The following NAV1 variants were observed in gnomAD, a reference collection of about 807,000 sequenced individuals.
The protein encoded by NAV1 is neuron navigator 1, also known as pore membrane and/or filament interacting like protein 3.
NAV1 carries 18 observed loss-of-function variants against 175.2 expected under a neutral mutation model. The ratio of observed to expected loss-of-function variants is 0.10; its 90% CI spans 0.07 to 0.15. The LOEUF is 0.15. Ranked by LOEUF, NAV1 falls within the 10% of genes least tolerant of loss-of-function variation. The pLI, the probability that NAV1 is intolerant of heterozygous loss-of-function variation, is 1.00. For missense variants in NAV1, 1,731 were observed against 2,436.6 expected, an observed-to-expected ratio of 0.71 and a Z score of 6.10; for synonymous variants, 897 against 978.7, an observed-to-expected ratio of 0.92 and a Z score of 1.56.
chr1:201,628,572 GCCCAGC>G (rs1172102760), intron 1 of NAV1, among the ~76,000 whole-genome samples: 1 of 152,100 alleles, frequency 6.6e-6, no homozygotes, highest in Admixed American at 6.5e-5. Flanking sequence ...GGGTTCCATG[GCCCAGC>G]CCTTCAATTT....
intron 2 of NAV1, among the ~76,000 whole-genome samples, chr1:201,634,803 G>A (rs1668569558): frequency 6.6e-6 from 1 of 152,142 alleles, no homozygotes; most frequent in Non-Finnish European, 1.5e-5. Flanking sequence ...CTTGGACTCA[G>A]GCCCTCCCAC....
intron 3 of NAV1, among the ~76,000 whole-genome samples, chr1:201,721,050 G>A (rs939916273): frequency 6.6e-6 from 1 of 152,106 alleles, no homozygotes; most frequent in African/African-American, 2.4e-5. Flanking sequence ...TGGACAGGAT[G>A]TGTGTTCCCG....
intron 5 of NAV1, 141 bp downstream of exon 9, chr1:201,781,450 C>A: frequency 1.2e-6 from 1 of 833,684 alleles, no homozygotes; most frequent in Non-Finnish European, 1.8e-6. Context: ...GGTCTAAGGA[C>A]AGTCCCGTGA....
At chr1:201,667,911 T>G (rs1224360271) in intron 1 of NAV1, among the ~76,000 whole-genome samples, 1 of 152,040 alleles carries the variant, frequency 6.6e-6, no homozygotes, top group Non-Finnish European at 1.5e-5. Context: ...CAGACCTTGA[T>G]GTTCCAGGGT....
At chr1:201,731,671 T>C (rs189220064) in intron 3 of NAV1, among the ~76,000 whole-genome samples, 1 of 152,280 alleles carries the variant, frequency 6.6e-6, no homozygotes, top group Non-Finnish European at 1.5e-5. Flanking sequence ...TTCCTCTACT[T>C]TGAAGTCTGG....
At chr1:201,655,020 A>G (rs1278810951) in intron 1 of NAV1, among the ~76,000 whole-genome samples, 3 of 152,132 alleles carry the variant, frequency 2.0e-5, no homozygotes, top group African/African-American at 7.2e-5. Context: ...TCAGACACCT[A>G]TCTATGCTCC....
At chr1:201,794,015 GC>G (rs1174501960) in intron 14 of NAV1, 140 bp downstream of exon 18, 4 of 741,062 alleles carry the variant, frequency 5.4e-6, no homozygotes, top group African/African-American at 1.7e-5. Flanking sequence ...TTCTCAATCT[GC>G]CCCCCAATAC....
Position 201,690,732 on chromosome 1 carries a change from T to C in NAV1, c.758-22085T>C, listed in dbSNP as rs993975688. Among the ~76,000 whole-genome samples, 4 of 149,006 alleles carry C rather than the reference T, an allele frequency of 2.7e-5. No individual in the cohort carries two copies. In the South Asian group the frequency reaches 6.5e-4, roughly 24 times the overall value. On this transcript the variant is annotated intron_variant, in intron 1 of 29. Coordinates refer to ENST00000367296, the Ensembl canonical transcript of NAV1. Reference sequence around the variant, plus strand: ...CCTCCTTGGCCTGTCCGTGGCAGAGTGCTGGCTATTTCCTCCGTGGCCTGT... The same window carrying C: ...CCTCCTTGGCCTGTCCGTGGCAGAGCGCTGGCTATTTCCTCCGTGGCCTGT...
Position 201,643,017 on chromosome 1 carries a change from G to A in NAV1, c.5-5617G>A, listed in dbSNP as rs186048275. On this transcript the variant is annotated intron_variant, in intron 2 of 29. Coordinates refer to the NAV1 transcript ENST00000367302. ...TCTCAATCTCCTGACCTCGTGATCC[G>A]TCCGCCTTGGCCTCCCAAAGTGCTG... Among the ~76,000 whole-genome samples the A allele has an allele frequency of 7.9e-4, 120 of 151,858 alleles. 1 individual carries two copies. In the East Asian group the frequency reaches 0.021, roughly 27 times the overall value.
intron 3 of NAV1, among the ~76,000 whole-genome samples, chr1:201,768,803 C>T (rs1009613402): frequency 2.0e-5 from 3 of 152,026 alleles, no homozygotes; most frequent in Non-Finnish European, 4.4e-5. Flanking sequence ...GGCAATTTCA[C>T]GTGGTTTAAC....
intron 1 of NAV1, among the ~76,000 whole-genome samples, chr1:201,549,143 CTTCTT>C (rs1557992285): frequency 4.6e-5 from 5 of 107,948 alleles, no homozygotes; most frequent in South Asian, 3.0e-4. Flanking sequence ...TTCTTTCTTT[CTTCTT>C]TCTCTCTCTC....
chr1:201,793,651 A>T (rs891535705), intron 13 of NAV1, 141 bp from the exon 18 acceptor site: 1 of 689,828 alleles, frequency 1.4e-6, no homozygotes, highest in African/African-American at 1.8e-5. Flanking sequence ...GAAAATCAAT[A>T]TTTTTTTAAC....
chr1:201,736,037 A>T (rs1251632186), intron 3 of NAV1, among the ~76,000 whole-genome samples: 1 of 152,114 alleles, frequency 6.6e-6, no homozygotes, highest in Admixed American at 6.6e-5. Flanking sequence ...TGCTTCTGCC[A>T]CTATGCTATC....
At chr1:201,612,150 G>C (rs934997010) in intron 2 of NAV1, among the ~76,000 whole-genome samples, 1 of 152,084 alleles carries the variant, frequency 6.6e-6, no homozygotes, top group Non-Finnish European at 1.5e-5. Context: ...ACTTTAGACT[G>C]GGCAATTTGT....
At chr1:201,568,570 C>T (rs1026036181) in intron 1 of NAV1, among the ~76,000 whole-genome samples, 9 of 152,094 alleles carry the variant, frequency 5.9e-5, no homozygotes, top group Non-Finnish European at 8.8e-5. Flanking sequence ...CCCAGGCAGA[C>T]GTGAGTTTGA....
At chr1:201,815,842 G>A (rs1424778160) in intron 28 of NAV1, among the ~76,000 whole-genome samples, 4 of 152,002 alleles carry the variant, frequency 2.6e-5, no homozygotes, top group African/African-American at 7.2e-5. Flanking sequence ...AGGTTCAAGC[G>A]ATTCTCCTGC....
chr1:201,584,939 A>G (rs1283016914), intron 1 of NAV1, among the ~76,000 whole-genome samples: 1 of 152,186 alleles, frequency 6.6e-6, no homozygotes, highest in Non-Finnish European at 1.5e-5. Flanking sequence ...TGCCTTTCCA[A>G]ACCAAAGGCT....
exon 30 of NAV1, chr1:201,822,647 C>T (rs1236881670): frequency 6.5e-6 from 1 of 152,676 alleles, no homozygotes; most frequent in Admixed American, 6.5e-5. Context: ...CTGGGATCCA[C>T]CACCCTCTAC....
At chr1:201,649,999 G>A (rs1669127080) in intron 1 of NAV1, among the ~76,000 whole-genome samples, 1 of 152,208 alleles carries the variant, frequency 6.6e-6, no homozygotes, top group Admixed American at 6.5e-5. Flanking sequence ...GGCCGGGGGC[G>A]GGCGGGCTGC....
Sources: allele counts gnomAD v4.1 joint callset (sites outside exome capture counted in the v4.1 genomes callset), GRCh38; gene constraint gnomAD v4.1.1; transcripts MANE v1.5; gene names NCBI Gene and HGNC (gene_info 2026-07-23, HGNC 2026-07-21).